CRPPA: variants seen among roughly 807,000 people sequenced by gnomAD.
CRPPA encodes the protein D-ribitol-5-phosphate cytidylyltransferase.
In CRPPA, 43 loss-of-function variants were observed where a neutral mutation model predicts 52.0. That is an observed-to-expected ratio of 0.83 (90% CI 0.65 to 1.07). CRPPA has a LOEUF of 1.07. Among genes scored for constraint, CRPPA ranks in the 50% least tolerant of loss-of-function variants. The pLI is 0.00. For synonymous variants in CRPPA, 250 were observed against 203.5 expected (o/e 1.23, Z -1.94); for missense variants, 629 against 551.7 (o/e 1.14, Z -1.40).
intron 3 of CRPPA, among the ~76,000 whole-genome samples, chr7:16,365,187 G>A (rs1297924068): frequency 6.6e-6 from 1 of 152,146 alleles, no homozygotes; most frequent in Admixed American, 6.5e-5. Context: ...ATAGGATCTG[G>A]CTTCTCCCTG....
chr7:16,326,547 A>G (rs756967735), intron 3 of CRPPA, among the ~76,000 whole-genome samples: 3 of 152,212 alleles, frequency 2.0e-5, no homozygotes, highest in Admixed American at 6.5e-5. Context: ...AGGCACTGGG[A>G]CCACAACAAA....
intron 9 of CRPPA, among the ~76,000 whole-genome samples, chr7:16,201,836 G>C (rs1014084412): frequency 1.3e-5 from 2 of 152,086 alleles, no homozygotes; most frequent in Non-Finnish European, 2.9e-5. Context: ...TGACTGATTT[G>C]TTTCTTACTT....
chr7:16,108,763 T>C (rs1782203860), intron 9 of CRPPA, among the ~76,000 whole-genome samples: 1 of 151,930 alleles, frequency 6.6e-6, no homozygotes, highest in Admixed American at 6.6e-5. Context: ...GTCTCTTTTC[T>C]GACCACATAG....
chr7:16,200,729 TTAG>T (rs1346436691), intron 9 of CRPPA, among the ~76,000 whole-genome samples: 2 of 152,206 alleles, frequency 1.3e-5, no homozygotes, highest in Non-Finnish European at 2.9e-5. Context: ...ATTTAAATGC[TTAG>T]TATTGTGAAA....
At chr7:16,152,442 A>C (rs922480663) in intron 9 of CRPPA, among the ~76,000 whole-genome samples, 1 of 152,010 alleles carries the variant, frequency 6.6e-6, no homozygotes, top group Non-Finnish European at 1.5e-5. Context: ...TAAAAATGTT[A>C]TATTGGGACT....
At chr7:16,383,815 T>A (rs190340461) in intron 2 of CRPPA, among the ~76,000 whole-genome samples, 1 of 152,184 alleles carries the variant, frequency 6.6e-6, no homozygotes, top group African/African-American at 2.4e-5. Context: ...CGGGATATAA[T>A]CTCCTGGTGT....
intron 9 of CRPPA, among the ~76,000 whole-genome samples, chr7:16,149,447 T>A (rs1783033256): frequency 6.6e-6 from 1 of 152,182 alleles, no homozygotes; most frequent in African/African-American, 2.4e-5. Flanking sequence ...CATGCATATG[T>A]CCTTTTCCTG....
At position 16,258,836 on chromosome 7, in the gene CRPPA, T is replaced by C. The variant is rs1203087476; in HGVS notation, c.1026+84A>G. ...TGTAGAAGAACTCATCATAATATCATATATAAATATTTAAGAATCAAATTA... is the reference window on the plus strand; with the variant it reads ...TGTAGAAGAACTCATCATAATATCACATATAAATATTTAAGAATCAAATTA... On this transcript the variant is annotated intron_variant, in intron 7 of 9. Transcript: ENST00000407010. 3.9e-6 allele frequency: 3 copies of C among 771,654 alleles called. No homozygotes were observed. The East Asian group carries it at 8.5e-5, about 22-fold the overall frequency. The allele number at this position is 771,654 out of a possible 1,614,324, so 47.8% of individuals were successfully genotyped here. A position where few individuals can be genotyped will look rare whatever the true frequency, so the allele number is the denominator to read the frequency against.
chr7:16,387,044 G>GATATATAT (rs57024916), intron 2 of CRPPA, among the ~76,000 whole-genome samples: 27 of 95,990 alleles, frequency 2.8e-4, no homozygotes, highest in African/African-American at 3.9e-4. Context: ...ATAAAAAAAA[G>GATATATAT]ATATATATAT....
chr7:16,306,226 G>C lies in CRPPA; in HGVS notation c.789+2297C>G, dbSNP rs116397355. Among the ~76,000 whole-genome samples, 330 of 152,254 alleles carry C rather than the reference G, an allele frequency of 2.2e-3. 2 individuals are homozygous for C. Among genetic ancestry groups the C allele is most frequent in the African/African-American group, 7.6e-3 (317 of 41,534 alleles). The stretch of plus-strand genomic sequence containing the variant: ...TTTCCAAATAAGGTCACATTCACAG[G>C]TGCCACGGATTAGGACTTGAACATA... On this transcript the variant is annotated intron_variant, in intron 4 of 9. Coordinates refer to ENST00000407010, the MANE Select transcript of CRPPA (RefSeq NM_001101426.4).
intron 6 of CRPPA, among the ~76,000 whole-genome samples, chr7:16,259,803 A>G (rs1583473793): frequency 6.6e-6 from 1 of 152,000 alleles, no homozygotes; most frequent in East Asian, 1.9e-4. Flanking sequence ...TCATAGTTCT[A>G]AAAATAATAC....
chr7:16,420,488 T>A, intron 1 of CRPPA, among the ~76,000 whole-genome samples: 1 of 152,156 alleles, frequency 6.6e-6, no homozygotes. Context: ...TTCAGTGCCC[T>A]TTCTAAGATA....
intron 5 of CRPPA, among the ~76,000 whole-genome samples, chr7:16,280,915 G>A (rs1395982046): frequency 6.6e-6 from 1 of 152,118 alleles, no homozygotes; most frequent in Non-Finnish European, 1.5e-5. Context: ...AGCTACGCAG[G>A]AGGCTGAGGC....
At chr7:16,330,486 G>A (rs959655468) in intron 3 of CRPPA, among the ~76,000 whole-genome samples, 2 of 152,186 alleles carry the variant, frequency 1.3e-5, no homozygotes, top group South Asian at 4.1e-4. Flanking sequence ...GGCAGATTCA[G>A]AGAATCACAA....
At chr7:16,350,304 T>G in intron 3 of CRPPA, among the ~76,000 whole-genome samples, 1 of 152,062 alleles carries the variant, frequency 6.6e-6, no homozygotes, top group East Asian at 1.9e-4. Flanking sequence ...AACATATGAC[T>G]ACATAAAACT....
chr7:16,371,041 T>C (rs1786735737), intron 3 of CRPPA, among the ~76,000 whole-genome samples: 1 of 152,180 alleles, frequency 6.6e-6, no homozygotes, highest in South Asian at 2.1e-4. Context: ...AGTGAGGCTA[T>C]GAGGTAGATC....
intron 9 of CRPPA, among the ~76,000 whole-genome samples, chr7:16,167,117 G>A (rs568156318): frequency 1.4e-4 from 21 of 152,022 alleles, no homozygotes; most frequent in African/African-American, 2.7e-4. Flanking sequence ...TAGTAGAGAC[G>A]GGGTTTCACC....
chr7:16,209,273 C>CT (rs34795937), intron 9 of CRPPA: 12,743 of 122,980 alleles, frequency 0.1, 1,497 homozygotes, highest in East Asian at 0.15. Context: ...TTCTAAGTGT[C>CT]TTTTTTTTTT....
chr7:16,362,085 A>G (rs1786465366), intron 3 of CRPPA, among the ~76,000 whole-genome samples: 1 of 152,000 alleles, frequency 6.6e-6, no homozygotes, highest in African/African-American at 2.4e-5. Flanking sequence ...CGATCTCCTG[A>G]CCTCGTGATC....
Sources: gnomAD v4.1 joint callset for allele counts (sites outside exome capture counted in the v4.1 genomes callset) on GRCh38, gnomAD v4.1.1 for gene constraint, MANE v1.5 for transcripts, NCBI Gene and HGNC (gene_info 2026-07-23, HGNC 2026-07-21) for gene names.